Variants in TNS3 observed in about 807,000 individuals in gnomAD.
The protein encoded by TNS3 is tensin-3.
TNS3 carries 45 observed loss-of-function variants against 140.9 expected under a neutral mutation model. The observed-to-expected ratio is 0.32, with a 90% confidence interval of 0.25 to 0.41. The LOEUF (loss-of-function observed/expected upper bound fraction) is 0.41. Ranked by LOEUF, TNS3 falls within the 10% of genes least tolerant of loss-of-function variation. The pLI, the probability that TNS3 is intolerant of heterozygous loss-of-function variation, is 1.00. For synonymous variants in TNS3, 815 were observed against 788.4 expected (o/e 1.03, Z -0.56); for missense variants, 1,716 against 1,906.7 (o/e 0.90, Z 1.86).
At chr7:47,445,642 T>G (rs1326795511) in intron 4 of TNS3, among the ~76,000 whole-genome samples, 1 of 152,130 alleles carries the variant, frequency 6.6e-6, no homozygotes, top group Non-Finnish European at 1.5e-5. Context: ...GTCTGAGATC[T>G]CATGTGACTA....
At chr7:47,351,006 T>C (rs1789636892) in intron 17 of TNS3, among the ~76,000 whole-genome samples, 1 of 152,238 alleles carries the variant, frequency 6.6e-6, no homozygotes, top group Non-Finnish European at 1.5e-5. Flanking sequence ...GGTTGTGTAA[T>C]TCTAGGCACC....
chr7:47,497,406 C>T (rs1487275655), intron 3 of TNS3, among the ~76,000 whole-genome samples: 1 of 152,104 alleles, frequency 6.6e-6, no homozygotes, highest in Non-Finnish European at 1.5e-5. Context: ...TTCAGTTCTC[C>T]GCAGTCCTCT....
At position 47,276,734 on chromosome 7, in the gene TNS3, GA is replaced by G. The variant is rs1388016604; in HGVS notation, c.*1341del. The G allele has an allele frequency of 6.6e-6, 1 of 152,216 alleles. No homozygotes were observed. The highest frequency in any genetic ancestry group is 6.5e-5 in the Admixed American group (1 of 15,270). The allele number at this position is 152,216 out of a possible 1,614,324, so 9.4% of individuals were successfully genotyped here. ...GTTGAAATAAGCCTGAAATACACTTGATTCAGTGGCTTAGATGATGGCAAAC... is the reference window on the plus strand; with the variant it reads ...GTTGAAATAAGCCTGAAATACACTTGTTCAGTGGCTTAGATGATGGCAAAC... On this transcript the variant is annotated 3_prime_UTR_variant, in exon 31 of 31. Coordinates refer to ENST00000311160, the MANE Select transcript of TNS3 (RefSeq NM_022748.12).
At chr7:47,563,178 G>A (rs1165246534) in intron 1 of TNS3, among the ~76,000 whole-genome samples, 3 of 152,200 alleles carry the variant, frequency 2.0e-5, no homozygotes, top group African/African-American at 7.2e-5. Context: ...GAGCTGCATG[G>A]GCACCTGCCA....
At chr7:47,377,482 C>T (rs1791467330) in intron 16 of TNS3, among the ~76,000 whole-genome samples, 1 of 152,102 alleles carries the variant, frequency 6.6e-6, no homozygotes, top group South Asian at 2.1e-4. Flanking sequence ...ATGGTTTGGG[C>T]AATAGAAATA....
At chr7:47,421,161 C>T (rs1203564281) in intron 10 of TNS3, among the ~76,000 whole-genome samples, 2 of 152,160 alleles carry the variant, frequency 1.3e-5, no homozygotes, top group Admixed American at 6.5e-5. Flanking sequence ...GCTGTCTCAA[C>T]TATCTCAGAA....
intron 20 of TNS3, among the ~76,000 whole-genome samples, chr7:47,330,953 C>A (rs1022788925): frequency 7.2e-5 from 11 of 152,162 alleles, no homozygotes; most frequent in African/African-American, 2.7e-4. Context: ...CATCTCTGTC[C>A]CACCGGACTC....
chr7:47,556,117 G>A (rs924451944), intron 1 of TNS3, among the ~76,000 whole-genome samples: 2 of 152,156 alleles, frequency 1.3e-5, no homozygotes, highest in Admixed American at 6.5e-5. Context: ...ACACAAAGGC[G>A]GAGGCAACCA....
At chr7:47,417,055 GC>G (rs1014315097) in intron 10 of TNS3, among the ~76,000 whole-genome samples, 1 of 152,214 alleles carries the variant, frequency 6.6e-6, no homozygotes, top group African/African-American at 2.4e-5. Context: ...TGTTCTCAGT[GC>G]CCCATGTGCA....
chr7:47,481,586 A>T (rs1275584134), intron 3 of TNS3: 1 of 898,516 alleles, frequency 1.1e-6, no homozygotes, highest in Admixed American at 6.2e-5. Context: ...TCTCTACACA[A>T]GGGGCCATCT....
At chr7:47,473,134 C>A (rs1428054596) in intron 4 of TNS3, among the ~76,000 whole-genome samples, 1 of 152,116 alleles carries the variant, frequency 6.6e-6, no homozygotes, top group Non-Finnish European at 1.5e-5. Context: ...CACAGGCTAA[C>A]TAAACACCAC....
intron 20 of TNS3, among the ~76,000 whole-genome samples, chr7:47,320,894 G>A (rs1217380937): frequency 1.3e-5 from 2 of 152,200 alleles, no homozygotes; most frequent in Non-Finnish European, 2.9e-5. Context: ...CAGGGAATCT[G>A]CCAAGTTAGG....
At chr7:47,557,309 G>A (rs566685652) in intron 1 of TNS3, among the ~76,000 whole-genome samples, 4 of 152,318 alleles carry the variant, frequency 2.6e-5, no homozygotes, top group South Asian at 2.1e-4. Context: ...AAAACCAGCA[G>A]CCGCCAAGGC....
chr7:47,569,223 T>C (rs1460723962), intron 1 of TNS3, among the ~76,000 whole-genome samples: 1 of 152,124 alleles, frequency 6.6e-6, no homozygotes, highest in Non-Finnish European at 1.5e-5. Context: ...CCCAACATCT[T>C]TATAAGAACA....
intron 1 of TNS3, among the ~76,000 whole-genome samples, chr7:47,563,614 A>G (rs1394550646): frequency 6.6e-6 from 1 of 152,210 alleles, no homozygotes; most frequent in Non-Finnish European, 1.5e-5. Context: ...CTTCTCCAGA[A>G]AGTGGCTCAC....
At chr7:47,486,094 T>C (rs1045682689) in intron 3 of TNS3, among the ~76,000 whole-genome samples, 1 of 151,378 alleles carries the variant, frequency 6.6e-6, no homozygotes, top group Non-Finnish European at 1.5e-5. Flanking sequence ...CTACATGTGG[T>C]GGTGTCTGTG....
intron 4 of TNS3, among the ~76,000 whole-genome samples, chr7:47,445,025 T>C (rs767266844): frequency 2.0e-5 from 3 of 152,156 alleles, no homozygotes; most frequent in Non-Finnish European, 2.9e-5. Flanking sequence ...ACCTCTGTAT[T>C]GGGAAGAGGG....
intron 2 of TNS3, among the ~76,000 whole-genome samples, chr7:47,528,294 G>A (rs575156615): frequency 6.6e-6 from 1 of 152,176 alleles, no homozygotes; most frequent in African/African-American, 2.4e-5. Context: ...TCTGCTGGGG[G>A]TCTGCAGGGA....
chr7:47,497,999 C>T (rs1044052549), intron 3 of TNS3, among the ~76,000 whole-genome samples: 6 of 152,194 alleles, frequency 3.9e-5, no homozygotes, highest in African/African-American at 1.2e-4. Flanking sequence ...TTCTCTCCTC[C>T]GTGACACCCC....
Sources: allele counts gnomAD v4.1 joint callset (sites outside exome capture counted in the v4.1 genomes callset), GRCh38; gene constraint gnomAD v4.1.1; transcripts MANE v1.5; gene names NCBI Gene and HGNC (gene_info 2026-07-23, HGNC 2026-07-21).